Variants in KCNN2 observed in about 807,000 individuals in gnomAD.
KCNN2 encodes small conductance calcium-activated potassium channel protein 2.
In KCNN2, 24 loss-of-function variants were observed where a neutral mutation model predicts 55.5. That is an observed-to-expected ratio of 0.43 (90% CI 0.31 to 0.61). The LOEUF is 0.61. Ranked by LOEUF, KCNN2 falls within the 20% of genes least tolerant of loss-of-function variation. The pLI is 0.08. For synonymous variants in KCNN2, 431 were observed against 336.1 expected, an observed-to-expected ratio of 1.28 and a Z score of -3.09; for missense variants, 754 against 853.6, an observed-to-expected ratio of 0.88 and a Z score of 1.45.
chr5:114,208,630 T>C (rs1413614851), intron 1 of KCNN2, among the ~76,000 whole-genome samples: 1 of 152,164 alleles, frequency 6.6e-6, no homozygotes, highest in African/African-American at 2.4e-5. Flanking sequence ...TCAGAATCTC[T>C]GGGGTGAAGC....
At chr5:114,303,456 T>A (rs1193743760) in intron 2 of KCNN2, among the ~76,000 whole-genome samples, 1 of 152,108 alleles carries the variant, frequency 6.6e-6, no homozygotes, top group African/African-American at 2.4e-5. Flanking sequence ...GTAGGAAGAC[T>A]TTATGAAGGG....
At chr5:114,079,836 T>C (rs1296210508) in intron 1 of KCNN2, among the ~76,000 whole-genome samples, 2 of 144,958 alleles carry the variant, frequency 1.4e-5, no homozygotes, top group African/African-American at 5.1e-5. Flanking sequence ...TGTGTGTGTG[T>C]GTGTGTGTGA....
chr5:114,090,849 C>A (rs560006684), intron 1 of KCNN2, among the ~76,000 whole-genome samples: 3 of 151,906 alleles, frequency 2.0e-5, no homozygotes, highest in Non-Finnish European at 2.9e-5. Context: ...CTCTGCCCCC[C>A]ACCCTTTTTT....
chr5:114,314,068 T>G (rs534181019), intron 2 of KCNN2, among the ~76,000 whole-genome samples: 1 of 152,266 alleles, frequency 6.6e-6, no homozygotes, highest in South Asian at 2.1e-4. Flanking sequence ...TGGATCACTT[T>G]TCTTGTTTCT....
chr5:114,268,495 G>A (rs1251794164), intron 2 of KCNN2, among the ~76,000 whole-genome samples: 1 of 152,134 alleles, frequency 6.6e-6, no homozygotes, highest in Admixed American at 6.5e-5. Flanking sequence ...CTAATATGAA[G>A]CCTTTTTTGT....
intron 3 of KCNN2, among the ~76,000 whole-genome samples, chr5:114,417,752 T>G (rs1458870679): frequency 6.6e-6 from 1 of 152,192 alleles, no homozygotes; most frequent in East Asian, 1.9e-4. Flanking sequence ...GGTTAGGAGA[T>G]GAGTTCCCTC....
intron 2 of KCNN2, among the ~76,000 whole-genome samples, chr5:114,401,933 T>C (rs1171439417): frequency 6.6e-6 from 1 of 152,198 alleles, no homozygotes. Context: ...TTGAATGGTG[T>C]TAATCTTGAA....
chr5:114,435,175 C>G (rs750872879), intron 3 of KCNN2, among the ~76,000 whole-genome samples: 1 of 144,718 alleles, frequency 6.9e-6, no homozygotes, highest in Non-Finnish European at 1.5e-5. Context: ...TTTGTTTTCT[C>G]TCTCAAGCTA....
At chr5:114,472,284 G>C (rs1000611492) in intron 4 of KCNN2, among the ~76,000 whole-genome samples, 9 of 152,178 alleles carry the variant, frequency 5.9e-5, no homozygotes, top group African/African-American at 1.9e-4. Flanking sequence ...AGCACACCTT[G>C]ATCACGGAGC....
chr5:114,445,291 C>A (rs1414352797), intron 3 of KCNN2, among the ~76,000 whole-genome samples: 1 of 151,986 alleles, frequency 6.6e-6, no homozygotes, highest in Non-Finnish European at 1.5e-5. Flanking sequence ...GCAAAAATGC[C>A]CTACAACATG....
intron 2 of KCNN2, among the ~76,000 whole-genome samples, chr5:114,364,820 T>C (rs2150047154): frequency 6.6e-6 from 1 of 152,150 alleles, no homozygotes; most frequent in Admixed American, 6.5e-5. Context: ...CAGCTTAGAA[T>C]TTGCACTGTG....
intron 2 of KCNN2, among the ~76,000 whole-genome samples, chr5:114,271,633 T>C (rs1274051848): frequency 6.6e-6 from 1 of 152,234 alleles, no homozygotes; most frequent in African/African-American, 2.4e-5. Context: ...TGTTTGTTTA[T>C]GCTTTCTTCT....
chr5:114,438,820 G>A (rs566446496), intron 3 of KCNN2, among the ~76,000 whole-genome samples: 3 of 152,200 alleles, frequency 2.0e-5, no homozygotes, highest in African/African-American at 4.8e-5. Flanking sequence ...TTGCTCTTAC[G>A]AACTGGACAA....
chr5:114,076,382 TGAGA>T (rs780414194), intron 1 of KCNN2, among the ~76,000 whole-genome samples: 18 of 152,330 alleles, frequency 1.2e-4, no homozygotes, highest in Admixed American at 2.6e-4. Flanking sequence ...AAGGATGGAA[TGAGA>T]GAGATGTGTG....
intron 2 of KCNN2, among the ~76,000 whole-genome samples, chr5:114,298,303 C>A (rs1004272325): frequency 5.2e-4 from 79 of 152,338 alleles, no homozygotes; most frequent in African/African-American, 1.7e-3. Context: ...AGTGCCTTCT[C>A]CCTCCACAGG....
chr5:114,265,470 A>G (rs1755192139), intron 2 of KCNN2, among the ~76,000 whole-genome samples: 1 of 152,080 alleles, frequency 6.6e-6, no homozygotes, highest in South Asian at 2.1e-4. Context: ...CTGATAGTGT[A>G]AGTTCCTATC....
chr5:114,249,090 T>C (rs1057470090), intron 2 of KCNN2, among the ~76,000 whole-genome samples: 2 of 152,138 alleles, frequency 1.3e-5, no homozygotes, highest in African/African-American at 4.8e-5. Flanking sequence ...ACAAAGTTTC[T>C]GCATAAAATA....
intron 2 of KCNN2, among the ~76,000 whole-genome samples, chr5:114,275,235 C>A (rs1755459316): frequency 6.6e-6 from 1 of 152,068 alleles, no homozygotes; most frequent in Non-Finnish European, 1.5e-5. Flanking sequence ...ATCCAGTTTG[C>A]CCGTATTTTA....
At chr5:114,103,742 TG>T (rs138083333) in intron 1 of KCNN2, among the ~76,000 whole-genome samples, 25,442 of 152,164 alleles carry the variant, frequency 0.17, 2,210 homozygotes, top group Middle Eastern at 0.22. Flanking sequence ...GATTTGCATA[TG>T]TTGAATCAGC....
Sources: allele counts gnomAD v4.1 joint callset (sites outside exome capture counted in the v4.1 genomes callset), GRCh38; gene constraint gnomAD v4.1.1; transcripts MANE v1.5; gene names NCBI Gene and HGNC (gene_info 2026-07-23, HGNC 2026-07-21).